Variants in SRP9 observed in about 807,000 individuals in gnomAD.
SRP9 encodes the protein signal recognition particle 9 kDa protein.
In SRP9, 2 loss-of-function variants were observed where a neutral mutation model predicts 11.7. That is an observed-to-expected ratio of 0.17 (90% CI 0.07 to 0.54). The LOEUF (loss-of-function observed/expected upper bound fraction) is 0.54. Ranked by LOEUF, SRP9 falls within the 20% of genes least tolerant of loss-of-function variation. SRP9 has a pLI of 0.94. For synonymous variants in SRP9, 27 were observed against 35.6 expected (o/e 0.76, Z 0.86); for missense variants, 54 against 108.1 (o/e 0.50, Z 2.22).
chr1:225,783,047 A>C (rs1665830105), intron 1 of SRP9, among the ~76,000 whole-genome samples: 1 of 151,724 alleles, frequency 6.6e-6, no homozygotes, highest in African/African-American at 2.4e-5. Flanking sequence ...GAGAATGTTC[A>C]GTACATCTCT....
intron 2 of SRP9, chr1:225,788,987 A>G (rs949304178): frequency 2.6e-6 from 4 of 1,545,994 alleles, no homozygotes; most frequent in African/African-American, 2.8e-5. Context: ...AACATTTAAC[A>G]TTTTTCAGAA....
chr1:225,786,714 G>A, intron 2 of SRP9: 1 of 1,010,786 alleles, frequency 9.9e-7, no homozygotes, highest in Non-Finnish European at 1.3e-6. Flanking sequence ...TTAGCCTTCT[G>A]GTCTCAATTT....
chr1:225,781,509 C>G (rs374273727), intron 1 of SRP9, among the ~76,000 whole-genome samples: 1 of 149,400 alleles, frequency 6.7e-6, no homozygotes, highest in Admixed American at 6.8e-5. Context: ...AAGCGATTCT[C>G]CTGCCTCAGC....
At chr1:225,782,704 A>G (rs534205789) in intron 1 of SRP9, among the ~76,000 whole-genome samples, 20 of 152,194 alleles carry the variant, frequency 1.3e-4, no homozygotes, top group Non-Finnish European at 2.2e-4. Flanking sequence ...TGGTTTTTGG[A>G]AAAGTTGTTG....
At chr1:225,779,492 A>G (rs1665753546) in intron 1 of SRP9, among the ~76,000 whole-genome samples, 1 of 152,204 alleles carries the variant, frequency 6.6e-6, no homozygotes, top group South Asian at 2.1e-4. Context: ...ATTAAGTAAT[A>G]TGAATTATGT....
rs1347409012 is a variant in SRP9 at position 225,790,151 on chromosome 1, A to G, written c.*792A>G. On this transcript the variant is annotated 3_prime_UTR_variant, in exon 3 of 3. Transcript: ENST00000304786. ...CTCAGAAGGGCTATGGATTAGTTTG[A>G]ACTGTCAAATCCTTGCATACTTCTG... 1 of 152,198 alleles carries G rather than the reference A, an allele frequency of 6.6e-6. No homozygotes were observed. Among genetic ancestry groups the G allele is most frequent in the Admixed American group, 6.5e-5 (1 of 15,278 alleles). The allele number at this position is 152,198 out of a possible 1,614,324, so 9.4% of individuals were successfully genotyped here. A position where few individuals can be genotyped will look rare whatever the true frequency, so the allele number is the denominator to read the frequency against.
intron 1 of SRP9, among the ~76,000 whole-genome samples, chr1:225,779,095 C>T (rs1665743976): frequency 6.6e-6 from 1 of 151,044 alleles, no homozygotes; most frequent in African/African-American, 2.4e-5. Flanking sequence ...AAATTAAAAG[C>T]AGATAAAATC....
intron 2 of SRP9, chr1:225,786,937 G>T: frequency 1.5e-6 from 1 of 669,552 alleles, no homozygotes; most frequent in Admixed American, 2.6e-5. Context: ...CGACCTCCTG[G>T]GCTCAAGCGG....
At chr1:225,782,941 A>C (rs1480426685) in intron 1 of SRP9, among the ~76,000 whole-genome samples, 2 of 152,206 alleles carry the variant, frequency 1.3e-5, no homozygotes, top group East Asian at 3.9e-4. Context: ...CTTTCCTGTC[A>C]TTCCTCTGTG....
At chr1:225,784,729 C>G (rs1487419695) in intron 2 of SRP9, among the ~76,000 whole-genome samples, 4 of 151,730 alleles carry the variant, frequency 2.6e-5, no homozygotes, top group Non-Finnish European at 4.4e-5. Context: ...GTAGTCCCAG[C>G]TACTCAGGAG....
intron 1 of SRP9, among the ~76,000 whole-genome samples, chr1:225,778,423 A>G (rs1287213111): frequency 1.3e-5 from 2 of 152,204 alleles, no homozygotes; most frequent in Non-Finnish European, 2.9e-5. Flanking sequence ...TTTTTCTACT[A>G]CCGCTCAGAC....
At chr1:225,787,757 A>C (rs1665946070) in intron 2 of SRP9, among the ~76,000 whole-genome samples, 2 of 152,198 alleles carry the variant, frequency 1.3e-5, no homozygotes, top group African/African-American at 4.8e-5. Context: ...CAGAAATTTC[A>C]GTGAGAAGGT....
intron 1 of SRP9, among the ~76,000 whole-genome samples, chr1:225,782,574 G>A (rs919497179): frequency 2.6e-5 from 4 of 152,202 alleles, no homozygotes; most frequent in South Asian, 4.1e-4. Context: ...AATAATGTTC[G>A]TGGAAGTGTT....
Position 225,777,888 on chromosome 1 carries a change from T to A in SRP9, c.-53T>A, listed in dbSNP as rs1385363850. 1.3e-6 allele frequency: 2 copies of A among 1,547,698 alleles called. No individual in the cohort carries two copies. The highest frequency in any genetic ancestry group is 2.7e-5 in the African/African-American group (2 of 73,322). On this transcript the variant is annotated 5_prime_UTR_variant, in exon 1 of 3. It adds an upstream start codon to the 5' untranslated region. Coordinates refer to ENST00000304786, the MANE Select transcript of SRP9 (RefSeq NM_003133.6). The stretch of plus-strand genomic sequence containing the variant: ...GCGACTCCCGGACGTAGGTAGTTTG[T>A]TGGGCCGGGTTCTGAGGCCTTGCTT...
At chr1:225,783,190 T>G in intron 1 of SRP9, 110 bp from the exon 2 acceptor site, 1 of 723,968 alleles carries the variant, frequency 1.4e-6, no homozygotes. Flanking sequence ...CCTTTAGATG[T>G]TTGGGGGTAT....
chr1:225,786,160 A>T (rs908704733), intron 2 of SRP9, among the ~76,000 whole-genome samples: 8 of 152,214 alleles, frequency 5.3e-5, no homozygotes, highest in Non-Finnish European at 1.2e-4. Flanking sequence ...CCTCCTTTGC[A>T]ATATTGAATC....
At chr1:225,779,352 G>A (rs1276203477) in intron 1 of SRP9, among the ~76,000 whole-genome samples, 11 of 152,014 alleles carry the variant, frequency 7.2e-5, no homozygotes, top group Non-Finnish European at 1.3e-4. Context: ...CACCATCTTG[G>A]CCAGGCTGGT....
intron 2 of SRP9, 182 bp from the exon 3 acceptor site, chr1:225,789,058 T>G: frequency 6.4e-7 from 1 of 1,551,114 alleles, no homozygotes; most frequent in Non-Finnish European, 8.7e-7. Flanking sequence ...TTACTGTACT[T>G]TAAGACATGG....
At chr1:225,787,267 G>A (rs1048705628) in intron 2 of SRP9, among the ~76,000 whole-genome samples, 1 of 152,124 alleles carries the variant, frequency 6.6e-6, no homozygotes. Context: ...GGGCGCGGTG[G>A]CTCGTGCTGG....
Sources: allele counts gnomAD v4.1 joint callset (sites outside exome capture counted in the v4.1 genomes callset), GRCh38; gene constraint gnomAD v4.1.1; transcripts MANE v1.5; gene names NCBI Gene and HGNC (gene_info 2026-07-23, HGNC 2026-07-21).